LIMS1: variants seen among roughly 807,000 people sequenced by gnomAD.
LIMS1 encodes the protein LIM zinc finger domain containing 1.
In LIMS1, 18 loss-of-function variants were observed where a neutral mutation model predicts 44.1. The ratio of observed to expected loss-of-function variants is 0.41; its 90% CI spans 0.28 to 0.61. LIMS1 has a LOEUF of 0.61. Ranked by LOEUF, LIMS1 falls within the 20% of genes least tolerant of loss-of-function variation. The pLI is 0.32. For synonymous variants in LIMS1, 93 were observed against 149.1 expected, an observed-to-expected ratio of 0.62 and a Z score of 2.74; for missense variants, 201 against 422.0, an observed-to-expected ratio of 0.48 and a Z score of 4.59.
At chr2:108,567,736 T>C (rs1685343123) in intron 1 of LIMS1, among the ~76,000 whole-genome samples, 1 of 152,204 alleles carries the variant, frequency 6.6e-6, no homozygotes, top group South Asian at 2.1e-4. Flanking sequence ...CATGCCTGGC[T>C]AATTTTTGTA....
At chr2:108,557,020 C>T (rs537698605) in intron 1 of LIMS1, among the ~76,000 whole-genome samples, 10 of 152,296 alleles carry the variant, frequency 6.6e-5, no homozygotes, top group African/African-American at 1.9e-4. Flanking sequence ...TGCGTTCATC[C>T]GCCTTCGTTC....
intron 1 of LIMS1, among the ~76,000 whole-genome samples, chr2:108,653,633 A>G (rs1357819488): frequency 6.6e-6 from 1 of 151,906 alleles, no homozygotes; most frequent in Non-Finnish European, 1.5e-5. Flanking sequence ...GTAAGCCAAA[A>G]AGTATATGAG....
At chr2:108,562,167 A>G (rs1176525105) in intron 1 of LIMS1, among the ~76,000 whole-genome samples, 1 of 148,592 alleles carries the variant, frequency 6.7e-6, no homozygotes, top group African/African-American at 2.6e-5. Context: ...CTTACTGGCC[A>G]TTTGCCGATC....
intron 9 of LIMS1, 94 bp from the exon 10 acceptor site, chr2:108,683,791 C>T (rs1172946874): frequency 7.3e-6 from 4 of 549,080 alleles, no homozygotes; most frequent in African/African-American, 2.0e-5. Context: ...TAGTTGCCTT[C>T]GTTTAGTTCA....
intron 2 of LIMS1, chr2:108,660,403 A>G: frequency 4.5e-6 from 2 of 442,920 alleles, no homozygotes; most frequent in Non-Finnish European, 9.1e-6. Flanking sequence ...GGTATTTTCA[A>G]CATTACCGAA....
chr2:108,565,939 C>T (rs1467820050), intron 1 of LIMS1, among the ~76,000 whole-genome samples: 2 of 152,192 alleles, frequency 1.3e-5, no homozygotes, highest in East Asian at 3.8e-4. Context: ...ATGCCTATCA[C>T]CTCCTAAAGG....
intron 1 of LIMS1, chr2:108,607,277 T>G (rs1180198168): frequency 6.5e-7 from 1 of 1,549,962 alleles, no homozygotes; most frequent in Non-Finnish European, 8.7e-7. Flanking sequence ...TGCACAATAT[T>G]GAGCTGTTCC....
At chr2:108,571,116 T>TA (rs1340671392) in intron 1 of LIMS1, among the ~76,000 whole-genome samples, 2 of 152,304 alleles carry the variant, frequency 1.3e-5, no homozygotes, top group Admixed American at 6.5e-5. Flanking sequence ...ATGTAAATAT[T>TA]ATGCACCCTT....
chr2:108,537,244 A>G (rs1330133257), intron 1 of LIMS1, among the ~76,000 whole-genome samples: 1 of 152,208 alleles, frequency 6.6e-6, no homozygotes, highest in Non-Finnish European at 1.5e-5. Flanking sequence ...TCCCTTAGAA[A>G]GGTCTTGGAG....
intron 2 of LIMS1, among the ~76,000 whole-genome samples, chr2:108,669,606 CAG>C (rs1692023327): frequency 6.6e-6 from 1 of 151,742 alleles, no homozygotes; most frequent in Admixed American, 6.6e-5. Context: ...AATAATCAAA[CAG>C]TGTATGACTT....
At chr2:108,619,588 G>A (rs1688125619) in intron 1 of LIMS1, among the ~76,000 whole-genome samples, 1 of 152,098 alleles carries the variant, frequency 6.6e-6, no homozygotes, top group South Asian at 2.1e-4. Flanking sequence ...GGAGGCTGAG[G>A]CACGAGAATC....
intron 1 of LIMS1, among the ~76,000 whole-genome samples, chr2:108,632,443 G>A (rs1227514325): frequency 6.6e-6 from 1 of 152,334 alleles, no homozygotes; most frequent in Non-Finnish European, 1.5e-5. Flanking sequence ...TGCATAGGAT[G>A]TAGGGTCCAG....
chr2:108,556,500 G>C (rs1316112185), intron 1 of LIMS1, among the ~76,000 whole-genome samples: 1 of 152,138 alleles, frequency 6.6e-6, no homozygotes, highest in Non-Finnish European at 1.5e-5. Flanking sequence ...TGGATCATAT[G>C]GTAATTCTGT....
intron 1 of LIMS1, among the ~76,000 whole-genome samples, chr2:108,633,582 G>A (rs182159159): frequency 6.6e-6 from 1 of 152,316 alleles, no homozygotes; most frequent in East Asian, 1.9e-4. Flanking sequence ...CTCTTGCCAA[G>A]TTAGTTTTGA....
chr2:108,572,154 T>TA (rs1289140265), intron 1 of LIMS1, among the ~76,000 whole-genome samples: 1 of 152,262 alleles, frequency 6.6e-6, no homozygotes, highest in Admixed American at 6.5e-5. Context: ...CTTTTTTTTT[T>TA]ATCATGGAAT....
intron 2 of LIMS1, among the ~76,000 whole-genome samples, chr2:108,668,293 C>T (rs1396996997): frequency 1.3e-5 from 2 of 152,254 alleles, no homozygotes; most frequent in East Asian, 3.9e-4. Context: ...AGTCACTCTA[C>T]TGTGCAATAG....
intron 1 of LIMS1, among the ~76,000 whole-genome samples, chr2:108,597,568 C>T (rs989683385): frequency 1.5e-4 from 23 of 152,064 alleles, no homozygotes; most frequent in South Asian, 2.1e-4. Context: ...CTTGCTTGTA[C>T]GTATGTCTGT....
chr2:108,652,017 C>A (rs1690527174), intron 1 of LIMS1, among the ~76,000 whole-genome samples: 1 of 140,608 alleles, frequency 7.1e-6, no homozygotes, highest in Admixed American at 7.3e-5. Flanking sequence ...CAGCCACCCC[C>A]ACACCTGTCA....
exon 1 of LIMS1, chr2:108,534,483 G>A: frequency 8.2e-6 from 9 of 1,099,176 alleles, no homozygotes; most frequent in Non-Finnish European, 1.0e-5. Context: ...AGCCGGCCGC[G>A]GCGGCGAGGG....
Sources: allele counts gnomAD v4.1 joint callset (sites outside exome capture counted in the v4.1 genomes callset), GRCh38; gene constraint gnomAD v4.1.1; transcripts MANE v1.5; gene names NCBI Gene and HGNC (gene_info 2026-07-23, HGNC 2026-07-21).